The following USP1 variants were observed in gnomAD, a reference collection of about 807,000 sequenced individuals.
USP1 encodes ubiquitin carboxyl-terminal hydrolase 1.
Under a neutral mutation model 72.2 loss-of-function variants are expected in USP1, and 18 were observed. The observed-to-expected ratio is 0.25, with a 90% confidence interval of 0.17 to 0.37. USP1 has a LOEUF of 0.37. Among genes scored for constraint, USP1 ranks in the 10% least tolerant of loss-of-function variants. The probability of loss-of-function intolerance (pLI) is 1.00; values close to 1 mark genes in which losing one functional copy is unlikely to be tolerated. For synonymous variants in USP1, 354 were observed against 303.7 expected (o/e 1.17, Z -1.72); for missense variants, 759 against 884.9 (o/e 0.86, Z 1.81).
chr1:62,443,027 T>C, intron 4 of USP1, 132 bp from the exon 5 acceptor site: 1 of 962,214 alleles, frequency 1.0e-6, no homozygotes, highest in Non-Finnish European at 1.5e-6. Context: ...TAAGGCTTAT[T>C]TGTACATCCC....
At chr1:62,445,472 G>A (rs758264762) in intron 6 of USP1, 43 bp downstream of exon 6, 8 of 1,445,618 alleles carry the variant, frequency 5.5e-6, no homozygotes, top group Non-Finnish European at 7.3e-6. Context: ...AGCATTAGCA[G>A]CTACAGAATT....
chr1:62,447,040 C>T (rs916338323), intron 6 of USP1, among the ~76,000 whole-genome samples: 9 of 152,064 alleles, frequency 5.9e-5, no homozygotes, highest in Non-Finnish European at 8.8e-5. Context: ...TCTTGAACTC[C>T]GACCTCAGGT....
intron 6 of USP1, among the ~76,000 whole-genome samples, chr1:62,446,699 AATATTG>A (rs1426902252): frequency 6.6e-6 from 1 of 152,260 alleles, no homozygotes; most frequent in Non-Finnish European, 1.5e-5. Flanking sequence ...GAAAATGTGT[AATATTG>A]ATATAGTGAA....
Position 62,444,937 on chromosome 1 carries a change from A to G in USP1, c.757A>G (p.Ser253Gly), listed in dbSNP as rs752092687. 14 of 1,613,828 alleles carry G rather than the reference A, an allele frequency of 8.7e-6. No homozygotes were observed. The highest frequency in any genetic ancestry group is 1.2e-5 in the Non-Finnish European group (14 of 1,179,858). Residue 253 changes from serine to glycine, a missense_variant, in exon 6 of 9, where the codon AGT becomes GGT. By Grantham distance (56) the Ser-to-Gly change is moderately conservative. Around this residue, in one of 9 missense-constraint regions of USP1, gnomAD observed 245 missense variants for 240.7 expected, o/e 1.02. Transcript: ENST00000339950. ...MNGINSIEMD[S>G]MRHSEDFKEK... The stretch of plus-strand genomic sequence containing the variant: ...TGGTATTAACAGCATAGAGATGGAC[A>G]GTATGAGGCATTCTGAAGACTTTAA...
chr1:62,450,612 A>G lies in USP1; in HGVS notation c.1989A>G (p.Val663=), dbSNP rs772445010. 5 of 1,614,156 alleles carry G rather than the reference A, an allele frequency of 3.1e-6. No homozygotes were observed. In the Admixed American group the frequency reaches 8.3e-5, roughly 27 times the overall value. The part of the protein sequence containing the change: ...QPSKVLNKKN[V]EAIGLLGGQK... ...GTAAAGTTTTGAACAAAAAAAATGT[A>G]GAAGCTATTGGACTTCTTGGAGGAC... The change falls in exon 9 of 9, where the codon GTA becomes GTG. Residue 663 remains valine, a synonymous_variant. Coordinates refer to ENST00000339950, the MANE Select transcript of USP1 (RefSeq NM_003368.5).
chr1:62,439,757 C>CT (rs1202021264), intron 1 of USP1, 42 bp from the exon 2 acceptor site: 27 of 1,029,998 alleles, frequency 2.6e-5, no homozygotes, highest in Admixed American at 3.9e-5. Flanking sequence ...GTTGCCAAAA[C>CT]TGATAACCAA....
chr1:62,449,237 A>G (rs1645197070), intron 8 of USP1, among the ~76,000 whole-genome samples: 1 of 152,188 alleles, frequency 6.6e-6, no homozygotes, highest in Non-Finnish European at 1.5e-5. Flanking sequence ...TAGTAGCAGA[A>G]TTCAGTAGAA....
chr1:62,444,658 A>T, intron 5 of USP1, 80 bp from the exon 6 acceptor site: 1 of 1,090,142 alleles, frequency 9.2e-7, no homozygotes, highest in Non-Finnish European at 1.2e-6. Flanking sequence ...GATTTTCCTT[A>T]CATGAATTAA....
intron 7 of USP1, among the ~76,000 whole-genome samples, chr1:62,448,069 AG>A (rs1355122417): frequency 6.6e-6 from 1 of 152,196 alleles, no homozygotes; most frequent in Non-Finnish European, 1.5e-5. Flanking sequence ...TACAGGCGTG[AG>A]CCACCGCGCC....
At position 62,444,858 on chromosome 1, in the gene USP1, G is replaced by A; in HGVS notation, c.678G>A (p.Val226=). 2 of 1,613,218 alleles carry A rather than the reference G, an allele frequency of 1.2e-6. No homozygotes were observed. The highest frequency in any genetic ancestry group is 4.5e-5 in the East Asian group (2 of 44,698). The change falls in exon 6 of 9, where the codon GTG becomes GTA. Residue 226 remains valine (V), a synonymous_variant. Coordinates refer to ENST00000339950, the MANE Select transcript of USP1 (RefSeq NM_003368.5). The stretch of plus-strand genomic sequence containing the variant: ...TAAAAAAAGAAGAAGTAAAAAATGT[G>A]GCAGAATTACCTACTAAGGTAGAAG... ...QLLKKEEVKN[V]AELPTKVEEI...
chr1:62,439,174 A>G (rs574067962), intron 1 of USP1, among the ~76,000 whole-genome samples: 3 of 152,310 alleles, frequency 2.0e-5, no homozygotes, highest in African/African-American at 4.8e-5. Flanking sequence ...ATGAATCATT[A>G]TAATGAAATA....
At chr1:62,447,608 A>G in intron 7 of USP1, 97 bp downstream of exon 7, 3 of 1,363,762 alleles carry the variant, frequency 2.2e-6, no homozygotes, top group Non-Finnish European at 9.9e-7. Flanking sequence ...TAGGGAGGGG[A>G]AAAAAGCTAG....
At position 62,451,626 on chromosome 1, in the gene USP1, T is replaced by A. The variant is rs1250507644; in HGVS notation, c.*645T>A. 1 of 152,700 alleles carries A rather than the reference T, an allele frequency of 6.5e-6. No individual in the cohort carries two copies. Among genetic ancestry groups the A allele is most frequent in the Non-Finnish European group, 1.5e-5 (1 of 68,070 alleles). 9.5% of individuals were successfully genotyped at this position (152,700 alleles called of 1,614,324 possible). A position where few individuals can be genotyped will look rare whatever the true frequency, so the allele number is the denominator to read the frequency against. ...GGGCATGGACTAATTTGTATCTGTT[T>A]AACTCATATTCTGCACGATCTGTAT... On this transcript the variant is annotated 3_prime_UTR_variant, in exon 9 of 9. Transcript: ENST00000339950.
intron 7 of USP1, among the ~76,000 whole-genome samples, chr1:62,448,154 A>G (rs1486799195): frequency 1.3e-5 from 2 of 152,214 alleles, no homozygotes; most frequent in Non-Finnish European, 2.9e-5. Flanking sequence ...AAATATGGAA[A>G]TACCATAGGA....
chr1:62,450,056 TA>T (rs1257464975), intron 8 of USP1, among the ~76,000 whole-genome samples, 189 bp from the exon 9 acceptor site: 2 of 152,176 alleles, frequency 1.3e-5, no homozygotes, highest in African/African-American at 4.8e-5. Flanking sequence ...AGCAGTTATT[TA>T]TTTTTTTGTT....
intron 7 of USP1, among the ~76,000 whole-genome samples, chr1:62,448,245 GCTGT>G (rs1451589701): frequency 1.3e-5 from 2 of 152,128 alleles, no homozygotes; most frequent in African/African-American, 4.8e-5. Context: ...TTTTGTTTTT[GCTGT>G]CTATCATATT....
chr1:62,448,740 A>G lies in USP1; in HGVS notation c.1622+74A>G, dbSNP rs535917877. 5.2e-5 allele frequency: 74 copies of G among 1,412,220 alleles called. No individual in the cohort carries two copies. In the South Asian group the frequency reaches 8.7e-4, roughly 17 times the overall value. 87.5% of individuals were successfully genotyped at this position (1,412,220 alleles called of 1,614,324 possible). On this transcript the variant is annotated intron_variant, in intron 8 of 8. Coordinates refer to ENST00000339950, the MANE Select transcript of USP1 (RefSeq NM_003368.5). ...AGATAAGTCTTGTTCAAAATGCTGT[A>G]ATAGTAGGAATATAAAGTACTGAAA...
chr1:62,449,753 A>T (rs1270652645), intron 8 of USP1, among the ~76,000 whole-genome samples: 1 of 152,010 alleles, frequency 6.6e-6, no homozygotes, highest in East Asian at 1.9e-4. Flanking sequence ...CTCTACAAAA[A>T]ATACACAAAC....
rs1232174045 is a variant in USP1 at position 62,439,972 on chromosome 1, A to G, written c.105A>G (p.Arg35=). 2 of 1,563,488 alleles carry G rather than the reference A, an allele frequency of 1.3e-6. No individual in the cohort carries two copies. The highest frequency in any genetic ancestry group is 4.0e-5 in the Admixed American group (2 of 49,408). ...LKFFQKKETK[R]ALDFTDSQEN... ...TTTTTCAGAAAAAGGAAACTAAGAG[A>G]GCTTTGGATTTCACAGATTCTCAAG... The change falls in exon 2 of 9, where the codon AGA becomes AGG. Residue 35 remains arginine (R), a synonymous_variant. Transcript: ENST00000339950.
Sources: allele counts gnomAD v4.1 joint callset (sites outside exome capture counted in the v4.1 genomes callset), GRCh38; gene constraint gnomAD v4.1.1; regional missense constraint gnomAD v4.1.1; transcripts MANE v1.5; gene names NCBI Gene and HGNC (gene_info 2026-07-23, HGNC 2026-07-21).